Variants in JAM3 observed in about 807,000 individuals in gnomAD.
JAM3 encodes the protein junctional adhesion molecule 3, also known as junctional adhesion molecule C.
A neutral mutation model predicts 39.4 loss-of-function variants in JAM3; 31 were observed. The ratio of observed to expected loss-of-function variants is 0.79; its 90% CI spans 0.59 to 1.06. The LOEUF (loss-of-function observed/expected upper bound fraction) is 1.06, where lower values mean the gene tolerates loss of function less well. JAM3 is among the 50% of genes least tolerant of loss of function. The probability of loss-of-function intolerance (pLI) is 0.00; values close to 1 mark genes in which losing one functional copy is unlikely to be tolerated. For missense variants in JAM3, 455 were observed against 391.4 expected (o/e 1.16, Z -1.37); for synonymous variants, 182 against 148.7 (o/e 1.22, Z -1.63).
intron 1 of JAM3, among the ~76,000 whole-genome samples, chr11:134,117,160 G>C (rs530413303): frequency 6.6e-6 from 1 of 152,172 alleles, no homozygotes; most frequent in Admixed American, 6.5e-5. Flanking sequence ...TCAGGAGTTT[G>C]AGACCAGCCT....
rs1386046280 is a variant in JAM3 at position 134,074,702 on chromosome 11, G to A, written c.76+5543G>A. Among the ~76,000 whole-genome samples the A allele has an allele frequency of 3.3e-5, 5 of 152,182 alleles. No individual in the cohort carries two copies. In the East Asian group the frequency reaches 7.7e-4, roughly 24 times the overall value. On this transcript the variant is annotated intron_variant, in intron 1 of 8. Coordinates refer to ENST00000299106, the MANE Select transcript of JAM3 (RefSeq NM_032801.5). ...TGGCCTTTGTTCACCTGTTCAAAGC[G>A]AGCCAAAATTTATTGAGCACCTACT...
At chr11:134,132,909 C>T (rs566938370) in intron 1 of JAM3, among the ~76,000 whole-genome samples, 2 of 152,316 alleles carry the variant, frequency 1.3e-5, no homozygotes, top group South Asian at 2.1e-4. Flanking sequence ...CTGGTGGTTC[C>T]TGCAGAGGCT....
intron 1 of JAM3, among the ~76,000 whole-genome samples, chr11:134,111,406 T>A (rs771335974): frequency 2.0e-5 from 3 of 152,082 alleles, no homozygotes; most frequent in Non-Finnish European, 4.4e-5. Flanking sequence ...CCTCCCACCA[T>A]TCATCTTTTA....
At chr11:134,129,528 G>A (rs114434309) in intron 1 of JAM3, among the ~76,000 whole-genome samples, 1 of 152,152 alleles carries the variant, frequency 6.6e-6, no homozygotes, top group African/African-American at 2.4e-5. Flanking sequence ...TTTGAAACTT[G>A]CTATTCTCTG....
chr11:134,106,870 T>C (rs1297949483), intron 1 of JAM3, among the ~76,000 whole-genome samples: 1 of 152,168 alleles, frequency 6.6e-6, no homozygotes, highest in Non-Finnish European at 1.5e-5. Context: ...AGGAACACTT[T>C]TACACTGTTG....
chr11:134,144,226 G>T lies in JAM3; in HGVS notation c.257-15G>T. 6.2e-7 allele frequency: 1 copy of T among 1,614,050 alleles called. No individual in the cohort carries two copies. The highest frequency in any genetic ancestry group is 8.5e-7 in the Non-Finnish European group (1 of 1,179,954). On this transcript the variant is annotated splice_polypyrimidine_tract_variant and intron_variant, in intron 3 of 8. Coordinates refer to ENST00000299106, the MANE Select transcript of JAM3 (RefSeq NM_032801.5). Reference sequence around the variant, plus strand: ...CTTTAAAGAAGTTTTTTAGTGCCTCGTGTCTTTTCTGTAGGAGACTTGGCG... The same window carrying T: ...CTTTAAAGAAGTTTTTTAGTGCCTCTTGTCTTTTCTGTAGGAGACTTGGCG...
At chr11:134,117,962 A>T (rs1942468490) in intron 1 of JAM3, among the ~76,000 whole-genome samples, 3 of 152,118 alleles carry the variant, frequency 2.0e-5, no homozygotes, top group Admixed American at 2.0e-4. Flanking sequence ...TGTAACTTTG[A>T]ATTATTTTTT....
chr11:134,139,989 GAC>G, intron 2 of JAM3, 73 bp downstream of exon 2: 1 of 1,157,532 alleles, frequency 8.6e-7, no homozygotes, highest in East Asian at 2.3e-5. Flanking sequence ...GCCAACTCAG[GAC>G]ACATCTGTCT....
chr11:134,147,836 G>A (rs1234989177), intron 6 of JAM3: 1 of 153,498 alleles, frequency 6.5e-6, no homozygotes, highest in Non-Finnish European at 1.4e-5. Context: ...AATACACTAG[G>A]ATAAAGGAGA....
intron 1 of JAM3, among the ~76,000 whole-genome samples, chr11:134,115,952 CCTT>C (rs1442554731): frequency 2.0e-5 from 3 of 151,938 alleles, no homozygotes; most frequent in African/African-American, 7.3e-5. Context: ...AGTGCAGTGC[CCTT>C]CTCATCATAT....
chr11:134,103,495 C>T (rs1301400300), intron 1 of JAM3, among the ~76,000 whole-genome samples: 2 of 152,154 alleles, frequency 1.3e-5, no homozygotes, highest in East Asian at 3.9e-4. Context: ...ATGACAGGAT[C>T]AAATTCACAC....
intron 1 of JAM3, among the ~76,000 whole-genome samples, chr11:134,076,735 G>A (rs544799994): frequency 6.6e-6 from 1 of 151,284 alleles, no homozygotes; most frequent in South Asian, 2.1e-4. Flanking sequence ...TAGAGACGAG[G>A]TCTCACTATA....
Position 134,124,296 on chromosome 11 carries a change from C to G in JAM3, c.77-15555C>G. ...AGTTACAAGAAAACGCATGTTCTCA[C>G]AGGAAATCTCCACAGGGGCTGGACG... On this transcript the variant is annotated intron_variant, in intron 1 of 8. Transcript: ENST00000299106. 4.6e-6 allele frequency: 4 copies of G among 861,228 alleles called. No homozygotes were observed. In the East Asian group the frequency reaches 9.7e-5, roughly 21 times the overall value. 53.3% of individuals were successfully genotyped at this position (861,228 alleles called of 1,614,324 possible). A position where few individuals can be genotyped will look rare whatever the true frequency, so the allele number is the denominator to read the frequency against.
intron 1 of JAM3, among the ~76,000 whole-genome samples, chr11:134,117,372 T>TC (rs1942455878): frequency 7.5e-6 from 1 of 133,412 alleles, no homozygotes; most frequent in Admixed American, 7.2e-5. Context: ...AGCAAAAAAC[T>TC]CCATCTCAAA....
At chr11:134,075,401 T>TTTG (rs768793140) in intron 1 of JAM3, among the ~76,000 whole-genome samples, 39 of 152,258 alleles carry the variant, frequency 2.6e-4, no homozygotes, top group Admixed American at 6.5e-4. Flanking sequence ...ATGCACATGT[T>TTTG]TTGTTTTGGG....
intron 1 of JAM3, among the ~76,000 whole-genome samples, chr11:134,137,046 G>C (rs1031853664): frequency 2.0e-5 from 3 of 151,944 alleles, no homozygotes; most frequent in Non-Finnish European, 2.9e-5. Context: ...CCAAGAGGCG[G>C]AGCTTGCAGT....
At chr11:134,072,974 A>C (rs1357332850) in intron 1 of JAM3, among the ~76,000 whole-genome samples, 2 of 152,220 alleles carry the variant, frequency 1.3e-5, no homozygotes, top group Non-Finnish European at 2.9e-5. Context: ...AGTTGAATGC[A>C]AATTTCAGAT....
In JAM3 at chr11:134,149,505, C is replaced by T. The variant is rs1266973271; in HGVS notation, c.*324C>T. ...TTAAAGAGTTTGCTCACGTAAACGC[C>T]CGTGCTGGGCCCTGTGAAGCCAGCA... On this transcript the variant is annotated 3_prime_UTR_variant, in exon 9 of 9. Coordinates refer to ENST00000299106, the MANE Select transcript of JAM3 (RefSeq NM_032801.5). 14 of 503,686 alleles carry T rather than the reference C, an allele frequency of 2.8e-5. No homozygotes were observed. The highest frequency in any genetic ancestry group is 1.5e-4 in the South Asian group (9 of 58,124). 31.2% of individuals were successfully genotyped at this position (503,686 alleles called of 1,614,324 possible). A position where few individuals can be genotyped will look rare whatever the true frequency, so the allele number is the denominator to read the frequency against.
Position 134,069,103 on chromosome 11 carries a change from C to T in JAM3, c.20C>T (p.Pro7Leu), listed in dbSNP as rs755144172. The T allele has an allele frequency of 1.7e-5, 28 of 1,611,852 alleles. No individual in the cohort carries two copies. In the East Asian group the frequency reaches 1.8e-4, roughly 10 times the overall value. Residue 7 changes from proline to leucine, a missense_variant, in exon 1 of 9, where the codon CCG (proline) becomes CTG (leucine). Coordinates refer to ENST00000299106, the MANE Select transcript of JAM3 (RefSeq NM_032801.5). ...CTCGACATGGCGCTGAGGCGGCCAC[C>T]GCGACTCCGGCTCTGCGCTCGGCTG... MALRRP[P>L]RLRLCARLPD...
Sources: allele counts gnomAD v4.1 joint callset (sites outside exome capture counted in the v4.1 genomes callset), GRCh38; gene constraint gnomAD v4.1.1; transcripts MANE v1.5; gene names NCBI Gene and HGNC (gene_info 2026-07-23, HGNC 2026-07-21).